The following GLIS3 variants were observed in gnomAD, a reference collection of about 807,000 sequenced individuals.
The protein encoded by GLIS3 is zinc finger protein GLIS3.
GLIS3 carries 53 observed loss-of-function variants against 78.6 expected under a neutral mutation model. That is an observed-to-expected ratio of 0.67 (90% CI 0.54 to 0.85). GLIS3 has a LOEUF of 0.85. Ranked by LOEUF, GLIS3 falls within the 40% of genes least tolerant of loss-of-function variation. GLIS3 has a pLI of 0.00. For synonymous variants in GLIS3, 684 were observed against 509.9 expected, an observed-to-expected ratio of 1.34 and a Z score of -4.60; for missense variants, 1,703 against 1,231.1, an observed-to-expected ratio of 1.38 and a Z score of -5.74.
intron 2 of GLIS3, among the ~76,000 whole-genome samples, chr9:4,235,643 T>C (rs1303872920): frequency 6.6e-6 from 1 of 152,062 alleles, no homozygotes; most frequent in Non-Finnish European, 1.5e-5. Context: ...AGGTCTTCTG[T>C]GAGTGTGAAT....
At chr9:3,868,404 C>CTGG (rs1348004044) in intron 8 of GLIS3, among the ~76,000 whole-genome samples, 1 of 151,834 alleles carries the variant, frequency 6.6e-6, no homozygotes, top group African/African-American at 2.4e-5. Context: ...CTTCAAAACC[C>CTGG]TGGTAGTTCA....
the GLIS3 span, among the ~76,000 whole-genome samples, chr9:4,476,334 C>G: frequency 6.6e-6 from 1 of 152,026 alleles, no homozygotes; most frequent in Non-Finnish European, 1.5e-5. Context: ...ACAGAGAAAT[C>G]TTAAACTGAA....
At chr9:4,117,150 C>G (rs1423112299) in intron 4 of GLIS3, among the ~76,000 whole-genome samples, 2 of 152,208 alleles carry the variant, frequency 1.3e-5, no homozygotes, top group Non-Finnish European at 2.9e-5. Context: ...AAAATTACCT[C>G]TTAAAATTAG....
intron 4 of GLIS3, among the ~76,000 whole-genome samples, chr9:3,961,287 C>A (rs1211448553): frequency 6.6e-6 from 1 of 152,080 alleles, no homozygotes; most frequent in Non-Finnish European, 1.5e-5. Context: ...GTCACAAAAC[C>A]TTGTACTAAT....
chr9:4,490,148 A>G, the GLIS3 span, among the ~76,000 whole-genome samples: 576 of 152,334 alleles, frequency 3.8e-3, 8 homozygotes, highest in African/African-American at 0.013. Flanking sequence ...GTCCGCGCCC[A>G]GGAGGGCAGT....
the GLIS3 span, among the ~76,000 whole-genome samples, chr9:4,453,345 C>CAAA: frequency 0.22 from 19,792 of 91,072 alleles, 2,465 homozygotes; most frequent in Non-Finnish European, 0.3. Flanking sequence ...TTCTGCACAG[C>CAAA]AAAAAAAAAA....
rs1014525906 is a variant in GLIS3 at position 4,070,623 on chromosome 9, T to C, written c.1710+47145A>G. Among the ~76,000 whole-genome samples the C allele has an allele frequency of 2.6e-5, 4 of 152,274 alleles. No homozygotes were observed. The South Asian group carries it at 8.3e-4, about 32-fold the overall frequency. Reference sequence around the variant, plus strand: ...TAGTGAGTATGTATGTGTGTGTATATGTAAGCTGTACATATTTCTCTCTCG... The same window carrying C: ...TAGTGAGTATGTATGTGTGTGTATACGTAAGCTGTACATATTTCTCTCTCG... On this transcript the variant is annotated intron_variant, in intron 4 of 10. Transcript: ENST00000381971.
At chr9:4,089,726 G>T (rs973947232) in intron 4 of GLIS3, among the ~76,000 whole-genome samples, 1 of 152,050 alleles carries the variant, frequency 6.6e-6, no homozygotes, top group African/African-American at 2.4e-5. Context: ...GGCTGAGGTG[G>T]GAGGATCGCT....
the GLIS3 span, among the ~76,000 whole-genome samples, chr9:4,420,984 A>T: frequency 6.6e-6 from 1 of 152,332 alleles, no homozygotes; most frequent in East Asian, 1.9e-4. Flanking sequence ...CCAAAATTTT[A>T]AAAAAGTGTC....
At chr9:4,349,498 G>C (rs1322112594), upstream of GLIS3, among the ~76,000 whole-genome samples, 1 of 152,064 alleles carries the variant, frequency 6.6e-6, no homozygotes, top group East Asian at 1.9e-4. Flanking sequence ...TAGAAAAAGA[G>C]AATGGAAATG....
intron 2 of GLIS3, among the ~76,000 whole-genome samples, chr9:4,231,635 C>T (rs1286070258): frequency 3.9e-5 from 6 of 152,070 alleles, no homozygotes; most frequent in East Asian, 1.9e-4. Context: ...GCTTAGGAAA[C>T]GTCTTAAAAA....
chr9:4,459,002 C>A, the GLIS3 span, among the ~76,000 whole-genome samples: 2 of 152,016 alleles, frequency 1.3e-5, no homozygotes, highest in East Asian at 3.9e-4. Context: ...CCAAGATTGT[C>A]ATTAGGATTT....
chr9:3,953,787 C>CA (rs1816872165), intron 4 of GLIS3, among the ~76,000 whole-genome samples: 1 of 44,422 alleles, frequency 2.3e-5, no homozygotes, highest in African/African-American at 8.2e-5. Context: ...CTCTCTCTCT[C>CA]TCTCTCTCTA....
At chr9:4,037,583 C>CACAG (rs1491565390) in intron 4 of GLIS3, among the ~76,000 whole-genome samples, 2 of 144,030 alleles carry the variant, frequency 1.4e-5, no homozygotes, top group African/African-American at 2.5e-5. Flanking sequence ...CACACACACA[C>CACAG]AGAGACAATA....
rs78069268 is a variant in GLIS3 at position 4,018,846 on chromosome 9, C to T, written c.1711-81657G>A. The stretch of plus-strand genomic sequence containing the variant: ...GGACAAGCTAATGAGACCAGTTTTC[C>T]CTGACTAGAAAAGAAAGATCCTGTG... On this transcript the variant is annotated intron_variant, in intron 4 of 10. Coordinates refer to ENST00000381971, the MANE Select transcript of GLIS3 (RefSeq NM_001042413.2). Among the ~76,000 whole-genome samples, 646 of 152,192 alleles carry T rather than the reference C, an allele frequency of 4.2e-3. 7 individuals are homozygous for T. The highest frequency in any genetic ancestry group is 0.015 in the African/African-American group (602 of 41,500).
At chr9:4,242,539 C>A (rs992109674) in intron 2 of GLIS3, among the ~76,000 whole-genome samples, 1 of 152,152 alleles carries the variant, frequency 6.6e-6, no homozygotes, top group African/African-American at 2.4e-5. Context: ...ACTATGGAAC[C>A]ACCCTGGCTG....
At chr9:3,870,671 A>C (rs1007772745) in intron 8 of GLIS3, among the ~76,000 whole-genome samples, 1 of 152,252 alleles carries the variant, frequency 6.6e-6, no homozygotes, top group African/African-American at 2.4e-5. Flanking sequence ...TACCATGAGA[A>C]CAGTATGAGG....
At chr9:3,947,361 G>A (rs537154189) in intron 4 of GLIS3, among the ~76,000 whole-genome samples, 19 of 152,212 alleles carry the variant, frequency 1.2e-4, no homozygotes, top group Admixed American at 6.5e-4. Flanking sequence ...AACTGTTTGC[G>A]GGTTGCAACA....
At chr9:4,311,875 A>G (rs1329504152) in intron 2 of GLIS3, among the ~76,000 whole-genome samples, 1 of 152,208 alleles carries the variant, frequency 6.6e-6, no homozygotes, top group African/African-American at 2.4e-5. Flanking sequence ...TAAATGATCA[A>G]GAAAACAGAA....
Sources: allele counts gnomAD v4.1 joint callset (sites outside exome capture counted in the v4.1 genomes callset), GRCh38; gene constraint gnomAD v4.1.1; transcripts MANE v1.5; gene names NCBI Gene and HGNC (gene_info 2026-07-23, HGNC 2026-07-21).